The following KY variants were observed in gnomAD, a reference collection of about 807,000 sequenced individuals.
The protein encoded by KY is kyphoscoliosis peptidase.
A neutral mutation model predicts 76.1 loss-of-function variants in KY; 43 were observed. That is an observed-to-expected ratio of 0.57 (90% CI 0.44 to 0.73). KY has a LOEUF of 0.73. KY is among the 30% of genes least tolerant of loss of function. The pLI, the probability that KY is intolerant of heterozygous loss-of-function variation, is 0.00. For synonymous variants in KY, 277 were observed against 326.2 expected (o/e 0.85, Z 1.63); for missense variants, 722 against 828.9 (o/e 0.87, Z 1.58).
At chr3:134,611,080 T>C (rs1333580967) in intron 8 of KY, among the ~76,000 whole-genome samples, 4 of 152,194 alleles carry the variant, frequency 2.6e-5, no homozygotes, top group Non-Finnish European at 5.9e-5. Context: ...GCAAGAGCCA[T>C]CATGGTGCAT....
rs548816670 is a variant in KY, at chr3:134,602,229, T to C, written c.*1350A>G. ...TGCCAGGATGGTTCTGCAGTGGCCA[T>C]GTGGGGCCTCTCTCGCCTTTCCCTC... On this transcript the variant is annotated 3_prime_UTR_variant, in exon 11 of 11. Coordinates refer to ENST00000423778, the MANE Select transcript of KY (RefSeq NM_178554.6). Among the ~76,000 whole-genome samples the C allele has an allele frequency of 1.4e-3, 219 of 152,194 alleles. No homozygotes were observed. In the Middle Eastern group the frequency reaches 0.024, roughly 17 times the overall value.
At chr3:134,621,929 A>T (rs1353447005) in intron 6 of KY, among the ~76,000 whole-genome samples, 1 of 152,244 alleles carries the variant, frequency 6.6e-6, no homozygotes, top group Non-Finnish European at 1.5e-5. Flanking sequence ...TCTCTAAAGA[A>T]GATATACAAA....
chr3:134,648,428 A>G lies in KY; in HGVS notation c.137-931T>C, dbSNP rs918396623. Among the ~76,000 whole-genome samples, 7 of 152,290 alleles carry G rather than the reference A, an allele frequency of 4.6e-5. No homozygotes were observed. In the Middle Eastern group the frequency reaches 0.017, roughly 370 times the overall value. On this transcript the variant is annotated intron_variant, in intron 1 of 10. Transcript: ENST00000423778. ...CTATGGAGTAGAATACACAAACCACATAGACTTTTGGGATAAGACCTAAGA... is the reference window on the plus strand; with the variant it reads ...CTATGGAGTAGAATACACAAACCACGTAGACTTTTGGGATAAGACCTAAGA...
At chr3:134,641,675 A>C (rs1262602977) in intron 3 of KY, among the ~76,000 whole-genome samples, 1 of 152,212 alleles carries the variant, frequency 6.6e-6, no homozygotes, top group Non-Finnish European at 1.5e-5. Flanking sequence ...ATTTGTGGAA[A>C]TTTCCTGTAG....
At chr3:134,607,654 T>G (rs745634196) in intron 10 of KY, 68 of 985,678 alleles carry the variant, frequency 6.9e-5, no homozygotes, top group Non-Finnish European at 8.2e-5. Context: ...AGGCCCTGCT[T>G]TTTTGTGACC....
intron 2 of KY, among the ~76,000 whole-genome samples, chr3:134,643,829 C>CTTT (rs3064322): frequency 0.013 from 1,839 of 143,038 alleles, 38 homozygotes; most frequent in African/African-American, 0.042. Context: ...TCTCCTGCTT[C>CTTT]TTTTTTTTTT....
chr3:134,610,140 C>A, intron 9 of KY, 55 bp downstream of exon 9: 1 of 1,554,940 alleles, frequency 6.4e-7, no homozygotes, highest in Non-Finnish European at 8.8e-7. Flanking sequence ...TGCTGCCTGG[C>A]ACATCCTCCA....
rs781734409 is a variant in KY at position 134,650,830 on chromosome 3, C to T, written c.131G>A (p.Gly44Glu). The change falls in exon 1 of 11, where the codon GGA (glycine) becomes GAA (glutamate). Residue 44 changes from glycine (G) to glutamate (E), a missense_variant. Gly to Glu is a moderately conservative substitution (Grantham distance 98). Transcript: ENST00000423778. ...CCGGGTCGGGCGCGCGTTACCTCCTCCGCGCTGCAGCAGCGAGCTCGGGTT... is the reference window on the plus strand; with the variant it reads ...CCGGGTCGGGCGCGCGTTACCTCCTTCGCGCTGCAGCAGCGAGCTCGGGTT... ...QANPSSLLQR[G>E]GGFQGVGNGV... is the part of the protein sequence containing the mutation. The T allele has an allele frequency of 1.3e-6, 2 of 1,593,708 alleles. No individual in the cohort carries two copies. The highest frequency in any genetic ancestry group is 1.4e-5 in the African/African-American group (1 of 73,750).
intron 1 of KY, 22 bp downstream of exon 1, chr3:134,650,803 A>T (rs1279278363): frequency 7.1e-6 from 11 of 1,550,198 alleles, no homozygotes; most frequent in Non-Finnish European, 9.6e-6. Flanking sequence ...GGACCCGGGG[A>T]CCCGGGTCGG....
rs1014120548 is a variant in KY at position 134,608,183 on chromosome 3, T to G, written c.1090+466A>C. On this transcript the variant is annotated intron_variant, in intron 10 of 10. Coordinates refer to ENST00000423778, the MANE Select transcript of KY (RefSeq NM_178554.6). ...GGCCATGTATTCTCTCCAGCAGGAG[T>G]TGGGGAAGAGAACACAGCAGGCCAG... 39 of 1,162,620 alleles carry G rather than the reference T, an allele frequency of 3.4e-5. No individual in the cohort carries two copies. In the South Asian group the frequency reaches 6.2e-4, roughly 19 times the overall value. The allele number at this position is 1,162,620 out of a possible 1,614,324, so 72.0% of individuals were successfully genotyped here. A position where few individuals can be genotyped will look rare whatever the true frequency, so the allele number is the denominator to read the frequency against.
intron 10 of KY, 48 bp downstream of exon 10, chr3:134,608,601 A>T: frequency 6.2e-7 from 1 of 1,613,718 alleles, no homozygotes; most frequent in Non-Finnish European, 8.5e-7. Context: ...GACAGTGCGA[A>T]ATGCTCCATT....
intron 7 of KY, 135 bp from the exon 8 acceptor site, chr3:134,619,400 C>T: frequency 4.4e-6 from 3 of 684,630 alleles, no homozygotes; most frequent in Non-Finnish European, 5.3e-6. Flanking sequence ...ACAGCCCCAG[C>T]ACAAATGGGA....
At position 134,602,535 on chromosome 3, in the gene KY, G is replaced by C. The variant is rs989399295; in HGVS notation, c.*1044C>G. On this transcript the variant is annotated 3_prime_UTR_variant, in exon 11 of 11. Transcript: ENST00000423778. ...CCTGGCTTTGCTGGTAGAGACACTG[G>C]GGGCAGGCAGAGCCCTGTTAAAGTG... Among the ~76,000 whole-genome samples, 2 of 152,184 alleles carry C rather than the reference G, an allele frequency of 1.3e-5. No individual in the cohort carries two copies. The highest frequency in any genetic ancestry group is 1.9e-4 in the East Asian group (1 of 5,192).
chr3:134,606,994 A>C lies in KY; in HGVS notation c.1090+1655T>G, dbSNP rs374313666. The C allele has an allele frequency of 1.7e-5, 17 of 983,396 alleles. 1 individual carries two copies. The highest frequency in any genetic ancestry group is 5.2e-4 in the Middle Eastern group (1 of 1,938). The allele number at this position is 983,396 out of a possible 1,614,324, so 60.9% of individuals were successfully genotyped here. On this transcript the variant is annotated intron_variant, in intron 10 of 10. Transcript: ENST00000423778. The stretch of plus-strand genomic sequence containing the variant: ...GCTACCACAAAGAAATACTCTGTAC[A>C]TAAGTATCAGATATATGGAATCATA...
intron 3 of KY, among the ~76,000 whole-genome samples, chr3:134,643,078 C>G (rs964613205): frequency 6.6e-6 from 1 of 152,196 alleles, no homozygotes; most frequent in Non-Finnish European, 1.5e-5. Flanking sequence ...GCAGCGTGCT[C>G]TGAGGCCCAT....
intron 3 of KY, 117 bp downstream of exon 3, chr3:134,643,199 C>T: frequency 3.4e-6 from 3 of 891,756 alleles, no homozygotes; most frequent in Non-Finnish European, 5.3e-6. Context: ...CCCATGGGAG[C>T]AGAGAGGACC....
At chr3:134,639,298 C>T (rs1355347982) in intron 3 of KY, among the ~76,000 whole-genome samples, 1 of 152,072 alleles carries the variant, frequency 6.6e-6, no homozygotes, top group African/African-American at 2.4e-5. Context: ...GATGGAACAC[C>T]ACCCTTAGGG....
chr3:134,621,533 G>T (rs1560117301), intron 6 of KY, among the ~76,000 whole-genome samples: 1 of 152,150 alleles, frequency 6.6e-6, no homozygotes, highest in East Asian at 1.9e-4. Flanking sequence ...AATAAACTTG[G>T]ATCTCTACCT....
At chr3:134,613,463 A>G (rs1340994000) in intron 8 of KY, among the ~76,000 whole-genome samples, 1 of 152,118 alleles carries the variant, frequency 6.6e-6, no homozygotes, top group African/African-American at 2.4e-5. Flanking sequence ...TACTGCTCTG[A>G]GTGGGGGTGA....
Sources: allele counts gnomAD v4.1 joint callset (sites outside exome capture counted in the v4.1 genomes callset), GRCh38; gene constraint gnomAD v4.1.1; transcripts MANE v1.5; gene names NCBI Gene and HGNC (gene_info 2026-07-23, HGNC 2026-07-21).